GLT1D1: variants seen among roughly 807,000 people sequenced by gnomAD.
The protein encoded by GLT1D1 is glycosyltransferase 1 domain-containing protein 1.
GLT1D1 carries 21 observed loss-of-function variants against 28.7 expected under a neutral mutation model. The ratio of observed to expected loss-of-function variants is 0.73; its 90% CI spans 0.52 to 1.05. GLT1D1 has a LOEUF of 1.05. GLT1D1 is among the 50% of genes least tolerant of loss of function. GLT1D1 has a pLI of 0.00. For synonymous variants in GLT1D1, 147 were observed against 124.8 expected (o/e 1.18, Z -1.19); for missense variants, 343 against 330.6 (o/e 1.04, Z -0.29).
chr12:128,977,821 C>G (rs1879925990), intron 7 of GLT1D1, among the ~76,000 whole-genome samples: 1 of 146,706 alleles, frequency 6.8e-6, no homozygotes, highest in Non-Finnish European at 1.5e-5. Context: ...TCTTGTCGCC[C>G]AGGCTGGGGT....
intron 3 of GLT1D1, among the ~76,000 whole-genome samples, chr12:128,897,435 T>C (rs1319235252): frequency 6.6e-6 from 1 of 152,186 alleles, no homozygotes; most frequent in Non-Finnish European, 1.5e-5. Context: ...TTTTTCTTTC[T>C]CCTTTTCATA....
intron 1 of GLT1D1, among the ~76,000 whole-genome samples, chr12:128,862,373 T>C (rs1956404441): frequency 6.8e-6 from 1 of 147,718 alleles, no homozygotes; most frequent in Non-Finnish European, 1.5e-5. Context: ...TTGAAAGTTG[T>C]TGCTGGGCGC....
intron 2 of GLT1D1, among the ~76,000 whole-genome samples, chr12:128,887,494 TACAC>T (rs58713965): frequency 0.29 from 42,869 of 145,364 alleles, 7,374 homozygotes; most frequent in East Asian, 0.54. Flanking sequence ...TCTATGTGAG[TACAC>T]ACACACACAC....
chr12:128,870,565 T>C (rs973215778), intron 1 of GLT1D1, among the ~76,000 whole-genome samples: 2 of 152,184 alleles, frequency 1.3e-5, no homozygotes, highest in African/African-American at 2.4e-5. Flanking sequence ...GGAGAGAACA[T>C]AGATCGATTT....
At chr12:128,886,595 C>T (rs144870649) in intron 2 of GLT1D1, among the ~76,000 whole-genome samples, 1 of 149,316 alleles carries the variant, frequency 6.7e-6, no homozygotes, top group East Asian at 2.0e-4. Flanking sequence ...TGTCTTGGCT[C>T]ATGGCCCTTC....
intron 1 of GLT1D1, among the ~76,000 whole-genome samples, chr12:128,860,470 A>C (rs529030719): frequency 1.3e-5 from 2 of 152,200 alleles, no homozygotes; most frequent in Non-Finnish European, 2.9e-5. Flanking sequence ...CAACAAAAAG[A>C]AATTAGTAGT....
chr12:128,907,043 C>A (rs1870952384), intron 4 of GLT1D1: 1 of 690,504 alleles, frequency 1.4e-6, no homozygotes, highest in African/African-American at 1.8e-5. Flanking sequence ...GCAGTAGAAG[C>A]ATGCTGTCTT....
chr12:128,879,655 C>G (rs1035341131), intron 2 of GLT1D1, among the ~76,000 whole-genome samples: 2 of 152,052 alleles, frequency 1.3e-5, no homozygotes, highest in African/African-American at 4.8e-5. Flanking sequence ...CGGGCTTTCA[C>G]TGTGTTGGCC....
chr12:128,860,828 C>T (rs1346652869), intron 1 of GLT1D1, among the ~76,000 whole-genome samples: 2 of 152,120 alleles, frequency 1.3e-5, no homozygotes, highest in East Asian at 1.9e-4. Context: ...AGGGTCCCCA[C>T]CCCCCTCTGA....
At chr12:128,880,545 G>C (rs1413570709) in intron 2 of GLT1D1, among the ~76,000 whole-genome samples, 1 of 152,134 alleles carries the variant, frequency 6.6e-6, no homozygotes, top group East Asian at 1.9e-4. Context: ...AAGAAGAGCT[G>C]TCCCTGTGCA....
chr12:128,925,379 C>G (rs145160759), intron 4 of GLT1D1, among the ~76,000 whole-genome samples: 1 of 152,220 alleles, frequency 6.6e-6, no homozygotes, highest in African/African-American at 2.4e-5. Context: ...GTCCTTCCCC[C>G]ATGTGTCCAT....
intron 6 of GLT1D1, among the ~76,000 whole-genome samples, chr12:128,953,848 C>A (rs916027645): frequency 6.6e-6 from 1 of 150,972 alleles, no homozygotes; most frequent in Non-Finnish European, 1.5e-5. Flanking sequence ...CGGGATCAAG[C>A]GATTCTCCTG....
chr12:128,921,313 G>A (rs1314248763), intron 4 of GLT1D1, among the ~76,000 whole-genome samples: 1 of 152,012 alleles, frequency 6.6e-6, no homozygotes, highest in African/African-American at 2.4e-5. Flanking sequence ...GATGAGGGGA[G>A]AGGAAAGGAA....
intron 4 of GLT1D1, among the ~76,000 whole-genome samples, chr12:128,933,897 T>C (rs1270881244): frequency 2.0e-5 from 3 of 152,134 alleles, no homozygotes; most frequent in African/African-American, 7.2e-5. Context: ...GTGCTGAAGA[T>C]TGGGAGATGG....
At chr12:128,940,368 T>G (rs1875070193) in intron 4 of GLT1D1, among the ~76,000 whole-genome samples, 1 of 152,200 alleles carries the variant, frequency 6.6e-6, no homozygotes, top group Non-Finnish European at 1.5e-5. Context: ...TCATGTCTTC[T>G]CAGTCATTTA....
intron 3 of GLT1D1, among the ~76,000 whole-genome samples, chr12:128,894,363 G>A (rs980051270): frequency 2.6e-5 from 4 of 152,054 alleles, no homozygotes; most frequent in Admixed American, 1.3e-4. Context: ...GCCATTTTTG[G>A]GTCCTGCTGC....
chr12:128,896,485 G>A (rs1869637499), intron 3 of GLT1D1, among the ~76,000 whole-genome samples: 1 of 151,082 alleles, frequency 6.6e-6, no homozygotes, highest in Non-Finnish European at 1.5e-5. Context: ...TAGCTTTTTG[G>A]TAGGTGATCT....
intron 1 of GLT1D1, among the ~76,000 whole-genome samples, chr12:128,855,482 G>C (rs111845053): frequency 0.093 from 14,090 of 151,922 alleles, 728 homozygotes; most frequent in East Asian, 0.18. Context: ...AGGAGGATCA[G>C]TTGAGCCCAG....
intron 4 of GLT1D1, 124 bp from the exon 9 acceptor site, chr12:128,945,202 C>G: frequency 1.0e-6 from 1 of 953,296 alleles, no homozygotes; most frequent in Non-Finnish European, 1.7e-6. Context: ...CGAGGACACC[C>G]CCGTGGCCGC....
Sources: allele counts gnomAD v4.1 joint callset (sites outside exome capture counted in the v4.1 genomes callset), GRCh38; gene constraint gnomAD v4.1.1; transcripts MANE v1.5; gene names NCBI Gene and HGNC (gene_info 2026-07-23, HGNC 2026-07-21).